Variants in FARS2 observed in about 807,000 individuals in gnomAD.
FARS2 encodes phenylalanine--tRNA ligase, mitochondrial.
A neutral mutation model predicts 46.4 loss-of-function variants in FARS2; 40 were observed. That is an observed-to-expected ratio of 0.86 (90% CI 0.67 to 1.12). The LOEUF is 1.12. FARS2 is among the 50% of genes most tolerant of loss of function. The pLI is 0.00. For synonymous variants in FARS2, 234 were observed against 214.9 expected, an observed-to-expected ratio of 1.09 and a Z score of -0.78; for missense variants, 513 against 567.9, an observed-to-expected ratio of 0.90 and a Z score of 0.98.
chr6:5,372,054 G>A (rs367944469), intron 2 of FARS2, among the ~76,000 whole-genome samples: 35 of 152,150 alleles, frequency 2.3e-4, no homozygotes, highest in Middle Eastern at 3.4e-3. Flanking sequence ...TATGAAAAAA[G>A]TGACAAGCAG....
intron 4 of FARS2, among the ~76,000 whole-genome samples, chr6:5,536,701 G>A (rs1402476895): frequency 6.6e-6 from 1 of 152,144 alleles, no homozygotes; most frequent in Non-Finnish European, 1.5e-5. Flanking sequence ...CTCAAGTAAG[G>A]ATTTTACTCT....
chr6:5,642,966 C>G (rs1450139167), intron 6 of FARS2, among the ~76,000 whole-genome samples: 1 of 152,216 alleles, frequency 6.6e-6, no homozygotes, highest in African/African-American at 2.4e-5. Context: ...GGGTCTGGCC[C>G]TGCAATGCAG....
chr6:5,657,545 A>G (rs997462184), intron 6 of FARS2, among the ~76,000 whole-genome samples: 2 of 152,192 alleles, frequency 1.3e-5, no homozygotes, highest in African/African-American at 4.8e-5. Context: ...GGCAGTGACT[A>G]TGAAACTGGT....
rs115982304 is a variant in FARS2, at chr6:5,600,560, G to T, written c.1066-12609G>T. Among the ~76,000 whole-genome samples the T allele has an allele frequency of 4.1e-3, 604 of 147,058 alleles. 7 individuals carry two copies. The highest frequency in any genetic ancestry group is 0.014 in the Middle Eastern group (4 of 280). On this transcript the variant is annotated intron_variant, in intron 5 of 6. Transcript: ENST00000274680. The stretch of plus-strand genomic sequence containing the variant: ...TGATAAGCAGTTTTTATTACAAAAT[G>T]AATAGATGGAATTAAAAGTAAGGGC...
chr6:5,275,512 A>G (rs1227670223), intron 1 of FARS2, among the ~76,000 whole-genome samples: 1 of 152,186 alleles, frequency 6.6e-6, no homozygotes, highest in Non-Finnish European at 1.5e-5. Context: ...TATTTTGTTC[A>G]TCACTAGAGG....
upstream of FARS2, among the ~76,000 whole-genome samples, chr6:5,258,038 C>T (rs1166100294): frequency 6.6e-6 from 1 of 152,100 alleles, no homozygotes; most frequent in East Asian, 1.9e-4. Context: ...AGAGGGGGCA[C>T]TCTAGACAGG....
At chr6:5,349,317 T>C (rs1302729583) in intron 1 of FARS2, among the ~76,000 whole-genome samples, 1 of 152,184 alleles carries the variant, frequency 6.6e-6, no homozygotes, top group Non-Finnish European at 1.5e-5. Context: ...AAAACCTGAT[T>C]TTTGCAAAAG....
chr6:5,495,365 C>T (rs183903858), intron 4 of FARS2, among the ~76,000 whole-genome samples: 103 of 152,310 alleles, frequency 6.8e-4, no homozygotes, highest in Admixed American at 5.3e-3. Context: ...TATTCTCTCC[C>T]CTTGGTAAAC....
intron 6 of FARS2, among the ~76,000 whole-genome samples, chr6:5,633,039 G>A (rs1056534480): frequency 2.0e-5 from 3 of 151,032 alleles, no homozygotes; most frequent in Non-Finnish European, 2.9e-5. Flanking sequence ...TGAGAGTATT[G>A]GATTTTTGTT....
intron 5 of FARS2, among the ~76,000 whole-genome samples, chr6:5,608,890 TA>T (rs34515855): frequency 8.2e-4 from 123 of 149,304 alleles, no homozygotes; most frequent in African/African-American, 2.8e-3. Flanking sequence ...TACAGCACAT[TA>T]AAAAAAAAAG....
At chr6:5,432,346 ATATATT>A (rs1763242612) in intron 4 of FARS2, among the ~76,000 whole-genome samples, 2 of 32,232 alleles carry the variant, frequency 6.2e-5, no homozygotes, top group African/African-American at 8.9e-5. Flanking sequence ...ATATATATAT[ATATATT>A]ATATATATAT....
chr6:5,665,966 G>A (rs1778095188), intron 6 of FARS2, among the ~76,000 whole-genome samples: 1 of 152,146 alleles, frequency 6.6e-6, no homozygotes, highest in African/African-American at 2.4e-5. Context: ...GAGAGGAGGT[G>A]GCTGTAATCG....
intron 4 of FARS2, among the ~76,000 whole-genome samples, chr6:5,505,941 A>G (rs778961692): frequency 6.6e-6 from 1 of 152,230 alleles, no homozygotes; most frequent in Non-Finnish European, 1.5e-5. Context: ...GGCAGCCAGA[A>G]GAGTCTTTTC....
At position 5,545,181 on chromosome 6, in the gene FARS2, T is replaced by A; in HGVS notation, c.906T>A (p.Ala302=). 6.2e-7 allele frequency: 1 copy of A among 1,613,812 alleles called. No homozygotes were observed. Among genetic ancestry groups the A allele is most frequent in the Non-Finnish European group, 8.5e-7 (1 of 1,179,768 alleles). Reference sequence around the variant, plus strand: ...AACTATTTTGTTTCCTAATCACAGCTGGTGCTCAAGACCGAATCGGCTGGG... The same window carrying A: ...AACTATTTTGTTTCCTAATCACAGCAGGTGCTCAAGACCGAATCGGCTGGG... ...GVMEQQLVNS[A]GAQDRIGWAF... Residue 302 remains alanine, a splice_region_variant and synonymous_variant, in exon 5 of 7, where the codon GCT becomes GCA. Transcript: ENST00000274680.
chr6:5,271,672 T>G (rs1425628488), intron 1 of FARS2, among the ~76,000 whole-genome samples: 1 of 151,222 alleles, frequency 6.6e-6, no homozygotes, highest in Admixed American at 6.6e-5. Context: ...AAGCGATTCT[T>G]CTACCTCAGC....
At chr6:5,400,217 G>C (rs1221904364) in intron 2 of FARS2, among the ~76,000 whole-genome samples, 1 of 152,058 alleles carries the variant, frequency 6.6e-6, no homozygotes, top group African/African-American at 2.4e-5. Context: ...TGCTCTTTAA[G>C]TTTGAATTCC....
intron 6 of FARS2, among the ~76,000 whole-genome samples, chr6:5,672,171 CTG>C (rs796576387): frequency 4.9e-4 from 74 of 152,292 alleles, no homozygotes; most frequent in African/African-American, 1.7e-3. Context: ...GCACTGAAGT[CTG>C]TGGAATCTAA....
At chr6:5,523,075 T>C (rs1196784030) in intron 4 of FARS2, among the ~76,000 whole-genome samples, 2 of 152,190 alleles carry the variant, frequency 1.3e-5, no homozygotes, top group Non-Finnish European at 2.9e-5. Flanking sequence ...GGAAGTAAAC[T>C]TCTAGAATAG....
intron 6 of FARS2, among the ~76,000 whole-genome samples, chr6:5,649,356 C>G (rs1777230959): frequency 6.6e-6 from 1 of 152,176 alleles, no homozygotes; most frequent in Non-Finnish European, 1.5e-5. Flanking sequence ...CATCACTTCA[C>G]TCTTTTAAAC....
Sources: gnomAD v4.1 joint callset for allele counts (sites outside exome capture counted in the v4.1 genomes callset) on GRCh38, gnomAD v4.1.1 for gene constraint, MANE v1.5 for transcripts, NCBI Gene and HGNC (gene_info 2026-07-23, HGNC 2026-07-21) for gene names.